Variants in LIMCH1 observed in about 807,000 individuals in gnomAD.
LIMCH1 encodes the protein LIM and calponin homology domains 1.
Under a neutral mutation model 176.5 loss-of-function variants are expected in LIMCH1, and 113 were observed. That is an observed-to-expected ratio of 0.64 (90% CI 0.55 to 0.75). The LOEUF is 0.75. Among genes scored for constraint, LIMCH1 ranks in the 30% least tolerant of loss-of-function variants. The pLI, the probability that LIMCH1 is intolerant of heterozygous loss-of-function variation, is 0.00. For missense variants in LIMCH1, 1,674 were observed against 1,814.9 expected, an observed-to-expected ratio of 0.92 and a Z score of 1.41; for synonymous variants, 619 against 645.9, an observed-to-expected ratio of 0.96 and a Z score of 0.63.
chr4:41,535,162 C>CAAAAAAAAAAAAAAAA (rs61639965), upstream of LIMCH1, among the ~76,000 whole-genome samples: 4 of 83,970 alleles, frequency 4.8e-5, no homozygotes, highest in Admixed American at 1.4e-4. Flanking sequence ...GACCCTGTCA[C>CAAAAAAAAAAAAAAAA]AAAAAAAAAA....
intron 1 of LIMCH1, among the ~76,000 whole-genome samples, chr4:41,363,468 A>T (rs1392767210): frequency 6.6e-6 from 1 of 152,070 alleles, no homozygotes; most frequent in African/African-American, 2.4e-5. Flanking sequence ...ACCCTTTCAT[A>T]AAAATGTTCC....
At chr4:41,562,956 A>T (rs79524480) in intron 1 of LIMCH1, among the ~76,000 whole-genome samples, 1,890 of 152,272 alleles carry the variant, frequency 0.012, 39 homozygotes, top group African/African-American at 0.044. Flanking sequence ...TGATTCCCCA[A>T]TTATAGCTTT....
intron 1 of LIMCH1, among the ~76,000 whole-genome samples, chr4:41,425,517 T>A (rs1053652353): frequency 2.6e-5 from 4 of 152,110 alleles, no homozygotes; most frequent in African/African-American, 9.7e-5. Flanking sequence ...TGGCTAATTT[T>A]TGTATTTTCA....
At chr4:41,410,590 A>G (rs888664766) in intron 1 of LIMCH1, among the ~76,000 whole-genome samples, 6 of 152,090 alleles carry the variant, frequency 3.9e-5, no homozygotes, top group African/African-American at 1.4e-4. Flanking sequence ...TAAACAAAAC[A>G]TGGGGGAAAA....
At chr4:41,449,112 C>T (rs1334357036) in intron 1 of LIMCH1, among the ~76,000 whole-genome samples, 2 of 152,050 alleles carry the variant, frequency 1.3e-5, no homozygotes, top group African/African-American at 4.8e-5. Context: ...TTAGCGTATA[C>T]AGGCCCAGTT....
intron 2 of LIMCH1, among the ~76,000 whole-genome samples, chr4:41,603,530 C>T (rs189799618): frequency 9.5e-4 from 144 of 152,236 alleles, no homozygotes; most frequent in African/African-American, 3.2e-3. Context: ...TTCAGTTTGA[C>T]GGTGGTCTAT....
intron 2 of LIMCH1, among the ~76,000 whole-genome samples, chr4:41,499,076 AG>A (rs1399703009): frequency 2.0e-5 from 3 of 152,228 alleles, no homozygotes; most frequent in African/African-American, 7.2e-5. Flanking sequence ...ATCCTTGTAA[AG>A]TTAAGAAATT....
At chr4:41,692,056 C>T (rs769083636) in intron 30 of LIMCH1, among the ~76,000 whole-genome samples, 3 of 152,162 alleles carry the variant, frequency 2.0e-5, no homozygotes, top group Non-Finnish European at 2.9e-5. Context: ...CCTCACTGAA[C>T]CAGTGTCCTT....
At chr4:41,691,960 G>A (rs1177323270) in intron 30 of LIMCH1, among the ~76,000 whole-genome samples, 1 of 152,110 alleles carries the variant, frequency 6.6e-6, no homozygotes, top group Non-Finnish European at 1.5e-5. Flanking sequence ...ATTGAGAAAC[G>A]GTGTATGATA....
chr4:41,467,515 C>T (rs191039589), intron 1 of LIMCH1, among the ~76,000 whole-genome samples: 33 of 152,228 alleles, frequency 2.2e-4, no homozygotes, highest in Admixed American at 4.6e-4. Flanking sequence ...GGGAACTCCC[C>T]TTTATAAAAC....
chr4:41,602,059 G>A (rs772226904), intron 2 of LIMCH1, among the ~76,000 whole-genome samples: 7 of 135,140 alleles, frequency 5.2e-5, no homozygotes, highest in Non-Finnish European at 9.3e-5. Context: ...ATGATAGGCA[G>A]TTTTTCTTGT....
chr4:41,614,462 C>G (rs567897436), intron 5 of LIMCH1, among the ~76,000 whole-genome samples: 1 of 152,226 alleles, frequency 6.6e-6, no homozygotes, highest in Non-Finnish European at 1.5e-5. Context: ...AACATGAGGG[C>G]TAGTGGGGAA....
chr4:41,443,347 T>C (rs1674201695), intron 1 of LIMCH1, among the ~76,000 whole-genome samples: 1 of 152,204 alleles, frequency 6.6e-6, no homozygotes, highest in Non-Finnish European at 1.5e-5. Context: ...TCAGACCACC[T>C]GTGAGATTCC....
chr4:41,458,616 A>G (rs943638144), intron 1 of LIMCH1, among the ~76,000 whole-genome samples: 11 of 150,980 alleles, frequency 7.3e-5, no homozygotes, highest in African/African-American at 2.7e-4. Flanking sequence ...TCTACTAAAA[A>G]TACAAAAATT....
rs935458473 is a variant in LIMCH1, at chr4:41,577,869, G to A, written c.-240-21051G>A. Among the ~76,000 whole-genome samples, 7 of 152,262 alleles carry A rather than the reference G, an allele frequency of 4.6e-5. 1 individual carries two copies. Among genetic ancestry groups the A allele is most frequent in the Non-Finnish European group, 8.8e-5 (6 of 68,028 alleles). On this transcript the variant is annotated intron_variant, in intron 1 of 31. Transcript: ENST00000503057. The stretch of plus-strand genomic sequence containing the variant: ...TACCATAATAATTTCCAACATAAGT[G>A]TATACCATAATTCTATTTAAGCGAT...
Position 41,624,039 on chromosome 4 carries a change from C to T in LIMCH1, c.726-2669C>T, listed in dbSNP as rs368890519. ...CAAATATGAGAGTCTGCCAAAGAAG[C>T]CAAGATTTCTGTTTTTAAGAGGATA... On this transcript the variant is annotated intron_variant, in intron 7 of 31. Coordinates refer to ENST00000503057, the MANE Select transcript of LIMCH1 (RefSeq NM_001330672.2). 3.9e-5 allele frequency among the ~76,000 whole-genome samples: 6 copies of T among 152,196 alleles called. No individual in the cohort carries two copies. The East Asian group carries it at 9.7e-4, about 25-fold the overall frequency.
At chr4:41,650,716 C>A (rs530990406) in intron 18 of LIMCH1, 108 bp downstream of exon 18, 4 of 962,308 alleles carry the variant, frequency 4.2e-6, no homozygotes, top group Admixed American at 5.4e-5. Context: ...TCTATGTTGG[C>A]GTATTAGTTT....
At position 41,380,477 on chromosome 4, in the gene LIMCH1, C is replaced by CT. The variant is rs942969093; in HGVS notation, c.96+19554dup. ...TTTGATTTGATATTTTCTTTTCTTT[C>CT]TTTTTTTTTTTTTAGATAAGCATGT... On this transcript the variant is annotated intron_variant, in intron 1 of 26. Transcript: ENST00000313860. 5.4e-4 allele frequency among the ~76,000 whole-genome samples: 78 copies of CT among 143,210 alleles called. 1 individual carries two copies. The highest frequency in any genetic ancestry group is 9.0e-4 in the South Asian group (4 of 4,448). The allele number at this position is 143,210 out of a possible 152,430, so 94.0% of individuals were successfully genotyped here. A position where few individuals can be genotyped will look rare whatever the true frequency, so the allele number is the denominator to read the frequency against.
At chr4:41,394,485 A>C (rs568365720) in intron 1 of LIMCH1, among the ~76,000 whole-genome samples, 1 of 152,302 alleles carries the variant, frequency 6.6e-6, no homozygotes, top group South Asian at 2.1e-4. Flanking sequence ...ACTTCTCTGC[A>C]AGCTGTAAAA....
Sources: gnomAD v4.1 joint callset for allele counts (sites outside exome capture counted in the v4.1 genomes callset) on GRCh38, gnomAD v4.1.1 for gene constraint, MANE v1.5 for transcripts, NCBI Gene and HGNC (gene_info 2026-07-23, HGNC 2026-07-21) for gene names.